The following GRIN2B variants were observed in gnomAD, a reference collection of about 807,000 sequenced individuals.
The protein encoded by GRIN2B is glutamate ionotropic receptor NMDA type subunit 2B.
Under a neutral mutation model 114.5 loss-of-function variants are expected in GRIN2B, and 5 were observed. The observed-to-expected ratio is 0.04, with a 90% CI of 0.02 to 0.09. GRIN2B has a LOEUF of 0.09. Ranked by LOEUF, GRIN2B falls within the 10% of genes least tolerant of loss-of-function variation. The probability of loss-of-function intolerance (pLI) is 1.00; values close to 1 mark genes in which losing one functional copy is unlikely to be tolerated. For missense variants in GRIN2B, 1,108 were observed against 1,943.5 expected, an observed-to-expected ratio of 0.57 and a Z score of 8.08; for synonymous variants, 787 against 745.1, an observed-to-expected ratio of 1.06 and a Z score of -0.92.
chr12:13,624,718 C>T (rs948068085), intron 5 of GRIN2B, among the ~76,000 whole-genome samples: 1 of 152,216 alleles, frequency 6.6e-6, no homozygotes, highest in African/African-American at 2.4e-5. Context: ...CTGTCTGGCA[C>T]CTGCATGGCT....
At chr12:13,607,373 A>ATT (rs1949286071) in intron 10 of GRIN2B, among the ~76,000 whole-genome samples, 1 of 42,738 alleles carries the variant, frequency 2.3e-5, no homozygotes, top group African/African-American at 7.4e-5. Flanking sequence ...TATATTATAT[A>ATT]TTATATATAT....
intron 3 of GRIN2B, among the ~76,000 whole-genome samples, chr12:13,836,547 C>T (rs1004338123): frequency 1.3e-5 from 2 of 152,188 alleles, no homozygotes; most frequent in East Asian, 3.9e-4. Flanking sequence ...AAACTGTTCT[C>T]CCATCTGGAA....
At position 13,855,078 on chromosome 12, in the gene GRIN2B, C is replaced by T. The variant is rs529497823; in HGVS notation, c.411+10720G>A. 1.4e-3 allele frequency among the ~76,000 whole-genome samples: 129 copies of T among 91,554 alleles called. 2 individuals carry two copies. The highest frequency in any genetic ancestry group is 5.5e-3 in the African/African-American group (123 of 22,530). 60.1% of individuals were successfully genotyped at this position (91,554 alleles called of 152,430 possible). On this transcript the variant is annotated intron_variant, in intron 3 of 13. Coordinates refer to ENST00000609686, the MANE Select transcript of GRIN2B (RefSeq NM_000834.5). ...AAAAAAAAAAAAAAAAATTGCCTGG[C>T]GTGGTGGTGCATGCCTGTAATCCCA...
At chr12:13,731,973 T>C (rs1188663569) in intron 4 of GRIN2B, among the ~76,000 whole-genome samples, 1 of 152,164 alleles carries the variant, frequency 6.6e-6, no homozygotes, top group Non-Finnish European at 1.5e-5. Flanking sequence ...GACCTATTGG[T>C]TAATAGTAAC....
intron 2 of GRIN2B, among the ~76,000 whole-genome samples, chr12:13,914,945 G>A (rs1407895432): frequency 6.6e-6 from 1 of 152,024 alleles, no homozygotes; most frequent in Non-Finnish European, 1.5e-5. Flanking sequence ...ATAAAGAGAG[G>A]TTAATTAATG....
chr12:13,779,760 C>T (rs1342550837), intron 3 of GRIN2B, among the ~76,000 whole-genome samples: 5 of 152,136 alleles, frequency 3.3e-5, no homozygotes, highest in East Asian at 1.9e-4. Flanking sequence ...TAGAGCCAAA[C>T]GACCTAGTCC....
intron 2 of GRIN2B, among the ~76,000 whole-genome samples, chr12:13,926,423 G>A (rs1263951462): frequency 6.6e-6 from 1 of 152,148 alleles, no homozygotes; most frequent in African/African-American, 2.4e-5. Context: ...CCCGGGAGCA[G>A]AAGCAGCTAC....
chr12:13,843,286 G>C (rs373790176), intron 3 of GRIN2B, among the ~76,000 whole-genome samples: 1 of 151,582 alleles, frequency 6.6e-6, no homozygotes, highest in Non-Finnish European at 1.5e-5. Flanking sequence ...CCAAATTTTG[G>C]TTGACATCTG....
intron 10 of GRIN2B, among the ~76,000 whole-genome samples, chr12:13,607,520 T>G (rs550128477): frequency 7.6e-6 from 1 of 131,360 alleles, no homozygotes; most frequent in East Asian, 2.1e-4. Context: ...CTTCTCCACA[T>G]GCTTTTGAAT....
intron 4 of GRIN2B, among the ~76,000 whole-genome samples, chr12:13,728,337 AT>A (rs1863027111): frequency 6.6e-6 from 1 of 152,050 alleles, no homozygotes; most frequent in Non-Finnish European, 1.5e-5. Flanking sequence ...AAGGCTAGAA[AT>A]TTTTTTCAAC....
chr12:13,676,979 A>G (rs1487143167), intron 4 of GRIN2B, among the ~76,000 whole-genome samples: 1 of 152,140 alleles, frequency 6.6e-6, no homozygotes, highest in Non-Finnish European at 1.5e-5. Flanking sequence ...CCTCCCGGAC[A>G]CCTTCACCTC....
chr12:13,847,898 T>A (rs1199087228), intron 3 of GRIN2B, among the ~76,000 whole-genome samples: 1 of 152,100 alleles, frequency 6.6e-6, no homozygotes, highest in Non-Finnish European at 1.5e-5. Flanking sequence ...TTCACCAATT[T>A]ATGTGGACTT....
intron 10 of GRIN2B, among the ~76,000 whole-genome samples, chr12:13,599,057 G>A (rs1305776521): frequency 6.6e-6 from 1 of 152,194 alleles, no homozygotes; most frequent in Non-Finnish European, 1.5e-5. Flanking sequence ...TTGGCCTGAA[G>A]CCAATGCTCC....
chr12:13,955,846 G>A (rs73303058), intron 2 of GRIN2B, among the ~76,000 whole-genome samples: 4,376 of 152,228 alleles, frequency 0.029, 79 homozygotes, highest in African/African-American at 0.044. Context: ...TCTAGAGTAC[G>A]TGCAGTGTGA....
chr12:13,946,671 GAAAAT>G (rs752203487), intron 2 of GRIN2B, among the ~76,000 whole-genome samples: 1 of 151,892 alleles, frequency 6.6e-6, no homozygotes. Flanking sequence ...AACATTTGGT[GAAAAT>G]AAAATAACCA....
intron 3 of GRIN2B, among the ~76,000 whole-genome samples, chr12:13,815,968 C>A (rs945808543): frequency 6.6e-6 from 1 of 152,152 alleles, no homozygotes; most frequent in African/African-American, 2.4e-5. Flanking sequence ...TGTGCACACA[C>A]ACACACACTC....
At chr12:13,579,366 C>A (rs1385628579) in intron 10 of GRIN2B, among the ~76,000 whole-genome samples, 2 of 152,172 alleles carry the variant, frequency 1.3e-5, no homozygotes, top group Non-Finnish European at 2.9e-5. Context: ...TGATTCAGAT[C>A]CCAGCTATGC....
At chr12:13,812,416 A>G (rs1481355085) in intron 3 of GRIN2B, among the ~76,000 whole-genome samples, 1 of 151,848 alleles carries the variant, frequency 6.6e-6, no homozygotes, top group Non-Finnish European at 1.5e-5. Context: ...TTACATTATC[A>G]TTTCCCACTA....
intron 4 of GRIN2B, among the ~76,000 whole-genome samples, chr12:13,736,456 T>C (rs1863186163): frequency 6.6e-6 from 1 of 152,184 alleles, no homozygotes; most frequent in Non-Finnish European, 1.5e-5. Flanking sequence ...TCTTGCCCAC[T>C]AAAATGTCCA....
Sources: allele counts gnomAD v4.1 joint callset (sites outside exome capture counted in the v4.1 genomes callset), GRCh38; gene constraint gnomAD v4.1.1; transcripts MANE v1.5; gene names NCBI Gene and HGNC (gene_info 2026-07-23, HGNC 2026-07-21).